The following CDH18 variants were observed in gnomAD, a reference collection of about 807,000 sequenced individuals.
CDH18 encodes the protein cadherin-18.
CDH18 carries 31 observed loss-of-function variants against 67.9 expected under a neutral mutation model. The observed-to-expected ratio is 0.46, with a 90% CI of 0.34 to 0.62. The LOEUF (loss-of-function observed/expected upper bound fraction) is 0.62. Ranked by LOEUF, CDH18 falls within the 20% of genes least tolerant of loss-of-function variation. The pLI is 0.01. For missense variants in CDH18, 890 were observed against 975.5 expected (o/e 0.91, Z 1.17); for synonymous variants, 362 against 347.2 (o/e 1.04, Z -0.48).
chr5:19,972,055 T>C (rs1484181923), intron 2 of CDH18, among the ~76,000 whole-genome samples: 1 of 152,082 alleles, frequency 6.6e-6, no homozygotes, highest in Non-Finnish European at 1.5e-5. Flanking sequence ...TTGTACTAAG[T>C]AAACAAAGAT....
intron 2 of CDH18, among the ~76,000 whole-genome samples, chr5:19,949,927 G>A (rs773416447): frequency 3.3e-5 from 5 of 151,066 alleles, no homozygotes; most frequent in East Asian, 1.9e-4. Flanking sequence ...GCAAAAATAC[G>A]GAACCAGCCC....
intron 2 of CDH18, among the ~76,000 whole-genome samples, chr5:20,224,353 G>GT (rs1741446959): frequency 6.6e-6 from 1 of 151,992 alleles, no homozygotes; most frequent in Admixed American, 6.6e-5. Context: ...TCAAGTTATT[G>GT]TAAGATATTA....
chr5:20,256,251 G>A lies in CDH18; in HGVS notation c.-579-746C>T, dbSNP rs189486894. Among the ~76,000 whole-genome samples the A allele has an allele frequency of 2.2e-3, 337 of 152,042 alleles. 3 individuals carry two copies. Among genetic ancestry groups the A allele is most frequent in the African/African-American group, 7.6e-3 (315 of 41,520 alleles). Reference sequence around the variant, plus strand: ...CAATATTAAAAGAAGAAAACTAAGAGGTAAAAATGTGTTCTCAGAAGATAA... The same window carrying A: ...CAATATTAAAAGAAGAAAACTAAGAAGTAAAAATGTGTTCTCAGAAGATAA... On this transcript the variant is annotated intron_variant, in intron 1 of 14. Coordinates refer to the CDH18 transcript ENST00000507958.
intron 7 of CDH18, among the ~76,000 whole-genome samples, chr5:19,574,971 G>A (rs989999168): frequency 6.6e-5 from 10 of 152,070 alleles, no homozygotes; most frequent in African/African-American, 2.4e-4. Flanking sequence ...CCCAGGAGGT[G>A]GAGGTTGCAG....
intron 12 of CDH18, 25 bp from the exon 13 acceptor site, chr5:19,473,741 A>T: frequency 3.3e-6 from 5 of 1,530,690 alleles, no homozygotes; most frequent in Non-Finnish European, 4.4e-6. Flanking sequence ...AAAAAGGATG[A>T]AGAATTAAGA....
intron 5 of CDH18, among the ~76,000 whole-genome samples, chr5:19,687,461 C>T (rs1374728310): frequency 1.3e-5 from 2 of 152,156 alleles, no homozygotes; most frequent in African/African-American, 2.4e-5. Context: ...GGCAGGGTCC[C>T]CAGCACTCTA....
At chr5:20,380,607 A>G (rs1274183581) in intron 1 of CDH18, among the ~76,000 whole-genome samples, 1 of 152,144 alleles carries the variant, frequency 6.6e-6, no homozygotes, top group African/African-American at 2.4e-5. Context: ...TAGGCACACA[A>G]CAGATAGGTA....
intron 2 of CDH18, among the ~76,000 whole-genome samples, chr5:20,228,471 G>A (rs984436241): frequency 6.6e-6 from 1 of 151,952 alleles, no homozygotes; most frequent in African/African-American, 2.4e-5. Flanking sequence ...ATCATTTTTA[G>A]AAAGAATACT....
chr5:19,806,925 A>G (rs4626340), intron 3 of CDH18, among the ~76,000 whole-genome samples: 65,852 of 152,082 alleles, frequency 0.43, 14,857 homozygotes, highest in Middle Eastern at 0.59. Context: ...AAGTGTAGTT[A>G]AACTAGATGG....
chr5:19,833,586 G>A (rs774146327), intron 3 of CDH18, among the ~76,000 whole-genome samples: 8 of 151,982 alleles, frequency 5.3e-5, no homozygotes, highest in Non-Finnish European at 8.8e-5. Flanking sequence ...AGAGGGCATC[G>A]TTGTCTTGTA....
chr5:20,017,781 A>G (rs1219953504), intron 2 of CDH18, among the ~76,000 whole-genome samples: 2 of 152,166 alleles, frequency 1.3e-5, no homozygotes, highest in African/African-American at 4.8e-5. Flanking sequence ...GCAGAATAGG[A>G]TATCAGCTGG....
chr5:19,719,970 A>G (rs1765866873), intron 5 of CDH18, among the ~76,000 whole-genome samples: 1 of 152,006 alleles, frequency 6.6e-6, no homozygotes, highest in African/African-American at 2.4e-5. Context: ...GGAAAGAGTT[A>G]AGCAAGTATG....
At chr5:20,335,312 G>C (rs1345501562) in intron 1 of CDH18, among the ~76,000 whole-genome samples, 1 of 152,108 alleles carries the variant, frequency 6.6e-6, no homozygotes, top group Non-Finnish European at 1.5e-5. Flanking sequence ...TATTCACACA[G>C]TTAATTTCCT....
intron 1 of CDH18, among the ~76,000 whole-genome samples, chr5:20,372,830 A>G (rs2150087121): frequency 6.6e-6 from 1 of 152,122 alleles, no homozygotes; most frequent in South Asian, 2.1e-4. Flanking sequence ...ATCAGTTTGG[A>G]TATTTTTTAT....
chr5:19,789,203 C>A (rs1776115202), intron 3 of CDH18, among the ~76,000 whole-genome samples: 1 of 152,316 alleles, frequency 6.6e-6, no homozygotes, highest in African/African-American at 2.4e-5. Context: ...TCTGCAAAAG[C>A]TGACTGTTTT....
At chr5:20,524,903 TAAG>T (rs1256611682) in intron 1 of CDH18, among the ~76,000 whole-genome samples, 15 of 152,102 alleles carry the variant, frequency 9.9e-5, no homozygotes, top group Non-Finnish European at 2.1e-4. Flanking sequence ...ACAGGAATGA[TAAG>T]AAGAAGAAGA....
At chr5:19,783,848 T>A (rs1434468888) in intron 3 of CDH18, among the ~76,000 whole-genome samples, 2 of 152,186 alleles carry the variant, frequency 1.3e-5, no homozygotes, top group Admixed American at 6.6e-5. Flanking sequence ...ATACAAACTC[T>A]TCATGACTAG....
intron 3 of CDH18, among the ~76,000 whole-genome samples, chr5:19,812,972 G>T (rs1371273916): frequency 6.6e-6 from 1 of 152,116 alleles, no homozygotes; most frequent in Non-Finnish European, 1.5e-5. Context: ...GAAAAAGGAT[G>T]ACTTCATTTC....
chr5:19,593,625 C>T (rs1745555157), intron 6 of CDH18, among the ~76,000 whole-genome samples: 1 of 137,686 alleles, frequency 7.3e-6, no homozygotes, highest in Non-Finnish European at 1.6e-5. Context: ...TCCCGTTCTT[C>T]CTCCTCCTTC....
Sources: allele counts gnomAD v4.1 joint callset (sites outside exome capture counted in the v4.1 genomes callset), GRCh38; gene constraint gnomAD v4.1.1; transcripts MANE v1.5; gene names NCBI Gene and HGNC (gene_info 2026-07-23, HGNC 2026-07-21).